Variants in AGBL1 observed in about 807,000 individuals in gnomAD.
AGBL1 encodes the protein cytosolic carboxypeptidase 4.
In AGBL1, 130 loss-of-function variants were observed where a neutral mutation model predicts 118.9. The observed-to-expected ratio is 1.09, with a 90% CI of 0.95 to 1.26. The LOEUF (loss-of-function observed/expected upper bound fraction) is 1.26, where lower values mean the gene tolerates loss of function less well. Among genes scored for constraint, AGBL1 ranks in the 50% most tolerant of loss-of-function variants. The probability of loss-of-function intolerance (pLI) is 0.00; values close to 1 mark genes in which losing one functional copy is unlikely to be tolerated. For synonymous variants in AGBL1, 555 were observed against 478.9 expected, an observed-to-expected ratio of 1.16 and a Z score of -2.08; for missense variants, 1,584 against 1,298.1, an observed-to-expected ratio of 1.22 and a Z score of -3.38.
At chr15:86,411,728 A>T (rs1251271713) in intron 18 of AGBL1, among the ~76,000 whole-genome samples, 1 of 152,046 alleles carries the variant, frequency 6.6e-6, no homozygotes, top group East Asian at 1.9e-4. Flanking sequence ...AAGAGACATA[A>T]CTCTTTTTGG....
chr15:86,956,740 C>T (rs745952314), intron 23 of AGBL1, among the ~76,000 whole-genome samples: 8 of 152,038 alleles, frequency 5.3e-5, no homozygotes, highest in Non-Finnish European at 7.4e-5. Context: ...CAAGTTGACA[C>T]ATAAAATTAA....
At chr15:86,566,072 A>T (rs1164316254) in intron 21 of AGBL1, among the ~76,000 whole-genome samples, 1 of 151,514 alleles carries the variant, frequency 6.6e-6, no homozygotes, top group Non-Finnish European at 1.5e-5. Context: ...GAGCCCTTGC[A>T]CTTCCCAGGT....
intron 23 of AGBL1, among the ~76,000 whole-genome samples, chr15:86,981,805 C>T (rs796334963): frequency 6.6e-6 from 1 of 152,088 alleles, no homozygotes; most frequent in South Asian, 2.1e-4. Context: ...AAAACAGGAT[C>T]CATCACCATT....
chr15:86,094,035 C>A (rs1176465614), intron 1 of AGBL1, among the ~76,000 whole-genome samples: 1 of 152,024 alleles, frequency 6.6e-6, no homozygotes, highest in Non-Finnish European at 1.5e-5. Flanking sequence ...ATCAAAAGTT[C>A]TTTCAAAATG....
intron 22 of AGBL1, among the ~76,000 whole-genome samples, chr15:86,888,063 T>C (rs1596594735): frequency 6.6e-6 from 1 of 151,882 alleles, no homozygotes; most frequent in African/African-American, 2.4e-5. Flanking sequence ...AAAAAGGAGG[T>C]GCATCTTGCG....
At position 86,752,178 on chromosome 15, in the gene AGBL1, A is replaced by T. The variant is rs140010723; in HGVS notation, c.3158+77742A>T. Reference sequence around the variant, plus strand: ...TCTGTTTGTGTGCCGTGATGCCAGGATGGAGACCAAAAGGCTAAATGAAGC... The same window carrying T: ...TCTGTTTGTGTGCCGTGATGCCAGGTTGGAGACCAAAAGGCTAAATGAAGC... On this transcript the variant is annotated intron_variant, in intron 22 of 22. Coordinates refer to ENST00000614907, the MANE Select transcript of AGBL1 (RefSeq NM_001386094.1). Among the ~76,000 whole-genome samples the T allele has an allele frequency of 3.9e-5, 6 of 152,192 alleles. No homozygotes were observed. The East Asian group carries it at 1.2e-3, about 30-fold the overall frequency.
chr15:86,824,989 G>C (rs1253147527), intron 22 of AGBL1, among the ~76,000 whole-genome samples: 3 of 152,034 alleles, frequency 2.0e-5, no homozygotes, highest in African/African-American at 7.2e-5. Flanking sequence ...GCCAGGAGGT[G>C]GATGTTGCAA....
chr15:86,971,008 A>G (rs982871806), intron 23 of AGBL1, among the ~76,000 whole-genome samples: 1 of 151,784 alleles, frequency 6.6e-6, no homozygotes, highest in African/African-American at 2.4e-5. Flanking sequence ...TGTGTAGATG[A>G]TATGCAAATA....
chr15:86,857,014 C>T (rs1339542196), intron 22 of AGBL1, among the ~76,000 whole-genome samples: 1 of 152,200 alleles, frequency 6.6e-6, no homozygotes, highest in East Asian at 1.9e-4. Context: ...CAGCTGGTGA[C>T]ACCACCAGCC....
intron 5 of AGBL1, among the ~76,000 whole-genome samples, chr15:86,161,715 C>T (rs1597477085): frequency 1.3e-5 from 2 of 152,166 alleles, no homozygotes; most frequent in Admixed American, 1.3e-4. Context: ...TATCTATTCC[C>T]TCTGCTTTTG....
chr15:86,922,309 C>G (rs8037687), intron 23 of AGBL1, among the ~76,000 whole-genome samples: 42,348 of 152,106 alleles, frequency 0.28, 6,453 homozygotes, highest in South Asian at 0.39. Flanking sequence ...TTATTTTTCT[C>G]AGATGAAGTC....
At position 86,351,899 on chromosome 15, in the gene AGBL1, C is replaced by G. The variant is rs549090628; in HGVS notation, c.2375-45467C>G. Among the ~76,000 whole-genome samples the G allele has an allele frequency of 3.5e-4, 53 of 152,140 alleles. 1 individual carries two copies. The highest frequency in any genetic ancestry group is 1.3e-3 in the African/African-American group (52 of 41,520). Reference sequence around the variant, plus strand: ...TTACCTAGTTTTGACAAAACATAGACCAAGGGTGTTCTTTGAGCCTTTAAC... The same window carrying G: ...TTACCTAGTTTTGACAAAACATAGAGCAAGGGTGTTCTTTGAGCCTTTAAC... On this transcript the variant is annotated intron_variant, in intron 17 of 22. Transcript: ENST00000614907.
At chr15:86,856,936 GT>G (rs2079491376) in intron 22 of AGBL1, among the ~76,000 whole-genome samples, 1 of 152,196 alleles carries the variant, frequency 6.6e-6, no homozygotes, top group African/African-American at 2.4e-5. Context: ...GTGAAGCCTA[GT>G]TTTGTCCCGA....
chr15:86,100,403 G>T (rs1427394533), intron 1 of AGBL1, among the ~76,000 whole-genome samples: 1 of 152,166 alleles, frequency 6.6e-6, no homozygotes, highest in Non-Finnish European at 1.5e-5. Context: ...AGAAGAACTC[G>T]TGTTGTTAGT....
chr15:86,635,285 C>G (rs865887541), intron 21 of AGBL1, among the ~76,000 whole-genome samples: 1 of 68,858 alleles, frequency 1.5e-5, no homozygotes, highest in East Asian at 6.4e-4. Flanking sequence ...CCTCCTTCCC[C>G]TCCCCCTCCC....
intron 21 of AGBL1, among the ~76,000 whole-genome samples, chr15:86,555,482 G>T (rs939265696): frequency 3.9e-5 from 6 of 152,144 alleles, no homozygotes; most frequent in African/African-American, 7.2e-5. Context: ...TGTAGTCGAA[G>T]ATTTTTTTTA....
chr15:86,979,380 T>A (rs779736543), intron 23 of AGBL1, among the ~76,000 whole-genome samples: 2 of 152,198 alleles, frequency 1.3e-5, no homozygotes, highest in Non-Finnish European at 2.9e-5. Flanking sequence ...ATCACAGTTA[T>A]CTTACTATAT....
rs141890747 is a variant in AGBL1 at position 86,661,717 on chromosome 15, A to C, written c.2995-12556A>C. 2.6e-3 allele frequency among the ~76,000 whole-genome samples: 398 copies of C among 152,160 alleles called. 2 individuals are homozygous for C. The highest frequency in any genetic ancestry group is 9.2e-3 in the African/African-American group (381 of 41,524). On this transcript the variant is annotated intron_variant, in intron 21 of 22. Coordinates refer to ENST00000614907, the MANE Select transcript of AGBL1 (RefSeq NM_001386094.1). ...TAGAGCAAGCAAACAGTCCCCAGAT[A>C]AACTGGAGATAGGGAGCTGGGAGAT...
intron 22 of AGBL1, among the ~76,000 whole-genome samples, chr15:86,750,365 G>A (rs942409939): frequency 2.7e-4 from 41 of 151,366 alleles, no homozygotes; most frequent in African/African-American, 9.7e-4. Flanking sequence ...TCAAATCAGG[G>A]TAATTGACAT....
Sources: gnomAD v4.1 joint callset for allele counts (sites outside exome capture counted in the v4.1 genomes callset) on GRCh38, gnomAD v4.1.1 for gene constraint, MANE v1.5 for transcripts, NCBI Gene and HGNC (gene_info 2026-07-23, HGNC 2026-07-21) for gene names.